NEGR1: variants seen among roughly 807,000 people sequenced by gnomAD.
The protein encoded by NEGR1 is neuronal growth regulator 1.
NEGR1 carries 10 observed loss-of-function variants against 40.9 expected under a neutral mutation model. The observed-to-expected ratio is 0.24, with a 90% CI of 0.15 to 0.42. The LOEUF (loss-of-function observed/expected upper bound fraction) is 0.42. Ranked by LOEUF, NEGR1 falls within the 10% of genes least tolerant of loss-of-function variation. The pLI is 1.00. For synonymous variants in NEGR1, 185 were observed against 166.8 expected (o/e 1.11, Z -0.84); for missense variants, 352 against 438.9 (o/e 0.80, Z 1.77).
intron 6 of NEGR1, among the ~76,000 whole-genome samples, chr1:71,495,867 C>T (rs1192740777): frequency 6.6e-6 from 1 of 152,192 alleles, no homozygotes; most frequent in Non-Finnish European, 1.5e-5. Context: ...GTTCTATCAA[C>T]ATGTTTTAAA....
chr1:71,905,896 T>A (rs2101868016), intron 2 of NEGR1, among the ~76,000 whole-genome samples: 1 of 148,564 alleles, frequency 6.7e-6, no homozygotes, highest in South Asian at 2.1e-4. Flanking sequence ...GCTGAGAAAA[T>A]TCCAGTGCTT....
intron 6 of NEGR1, among the ~76,000 whole-genome samples, chr1:71,448,252 G>A (rs947723345): frequency 6.7e-6 from 1 of 149,472 alleles, no homozygotes; most frequent in East Asian, 1.9e-4. Context: ...AAAAGACACA[G>A]AGAGAGAGAG....
intron 1 of NEGR1, among the ~76,000 whole-genome samples, chr1:72,070,637 A>G (rs1647422227): frequency 6.6e-6 from 1 of 152,040 alleles, no homozygotes. Context: ...ACATGACATT[A>G]AAACCCAGAC....
At chr1:71,472,259 T>C (rs142917516) in intron 6 of NEGR1, among the ~76,000 whole-genome samples, 334 of 152,266 alleles carry the variant, frequency 2.2e-3, no homozygotes, top group African/African-American at 7.8e-3. Flanking sequence ...AATAGAAATA[T>C]GTCTACTACA....
intron 1 of NEGR1, among the ~76,000 whole-genome samples, chr1:72,033,625 A>G (rs778772998): frequency 6.6e-6 from 1 of 152,200 alleles, no homozygotes; most frequent in South Asian, 2.1e-4. Context: ...TTAAGCACTT[A>G]ATTAATTTAA....
chr1:72,153,996 T>C (rs1364594841), intron 1 of NEGR1, among the ~76,000 whole-genome samples: 1 of 151,808 alleles, frequency 6.6e-6, no homozygotes. Context: ...GATTGAAGTA[T>C]ATGTCATCTT....
At chr1:71,987,140 C>T (rs1646402109) in intron 1 of NEGR1, among the ~76,000 whole-genome samples, 1 of 152,044 alleles carries the variant, frequency 6.6e-6, no homozygotes, top group African/African-American at 2.4e-5. Flanking sequence ...CAACAGTATA[C>T]CTTTATTAGC....
At chr1:72,277,072 A>G (rs538450858) in intron 1 of NEGR1, among the ~76,000 whole-genome samples, 47 of 152,274 alleles carry the variant, frequency 3.1e-4, no homozygotes, top group African/African-American at 1.1e-3. Flanking sequence ...CACTGCCCAA[A>G]ACAATGAAAG....
intron 4 of NEGR1, among the ~76,000 whole-genome samples, chr1:71,618,286 T>C (rs933788771): frequency 2.0e-5 from 3 of 152,170 alleles, no homozygotes; most frequent in Non-Finnish European, 4.4e-5. Flanking sequence ...GCCAGGTGTA[T>C]TGACTTTGTC....
chr1:71,940,796 A>G (rs544179048), intron 1 of NEGR1, among the ~76,000 whole-genome samples: 24 of 152,270 alleles, frequency 1.6e-4, no homozygotes, highest in African/African-American at 5.3e-4. Flanking sequence ...GAAAAATAGC[A>G]TATTTAGGGT....
chr1:72,111,572 G>T (rs539183411), intron 1 of NEGR1, among the ~76,000 whole-genome samples: 98 of 151,806 alleles, frequency 6.5e-4, no homozygotes, highest in Non-Finnish European at 1.1e-3. Context: ...ATTTAAAGAT[G>T]ATAAGATACA....
At chr1:71,728,571 C>A (rs1028856165) in intron 3 of NEGR1, among the ~76,000 whole-genome samples, 2 of 152,226 alleles carry the variant, frequency 1.3e-5, no homozygotes, top group African/African-American at 2.4e-5. Flanking sequence ...TTCAAAAAAT[C>A]TTTCACCAAA....
intron 6 of NEGR1, among the ~76,000 whole-genome samples, 161 bp downstream of exon 6, chr1:71,592,656 G>C (rs1260869347): frequency 6.6e-6 from 1 of 152,100 alleles, no homozygotes; most frequent in East Asian, 1.9e-4. Context: ...ATATGATTTG[G>C]GAGCAAAGTT....
chr1:71,690,565 AACACACACACACAC>A (rs3980432), intron 4 of NEGR1, among the ~76,000 whole-genome samples: 89 of 119,272 alleles, frequency 7.5e-4, no homozygotes, highest in African/African-American at 2.3e-3. Context: ...TAAGTTATAT[AACACACACACACAC>A]ACACACACAC....
At chr1:72,184,507 T>G (rs1652538415) in intron 1 of NEGR1, among the ~76,000 whole-genome samples, 2 of 152,022 alleles carry the variant, frequency 1.3e-5, no homozygotes, top group South Asian at 4.2e-4. Flanking sequence ...AAATCACACA[T>G]GAGAGAACAG....
intron 2 of NEGR1, among the ~76,000 whole-genome samples, chr1:71,859,168 C>T (rs1659868935): frequency 6.6e-6 from 1 of 152,062 alleles, no homozygotes; most frequent in Admixed American, 6.6e-5. Context: ...CCTTTTGCCC[C>T]CATTCTTTGA....
intron 1 of NEGR1, among the ~76,000 whole-genome samples, chr1:72,028,935 C>A (rs956609562): frequency 3.3e-5 from 5 of 151,824 alleles, no homozygotes; most frequent in Admixed American, 2.6e-4. Context: ...AGTGAATGAA[C>A]GACACAAAAT....
At chr1:71,860,847 G>A (rs1659924407) in intron 2 of NEGR1, among the ~76,000 whole-genome samples, 1 of 151,990 alleles carries the variant, frequency 6.6e-6, no homozygotes, top group African/African-American at 2.4e-5. Context: ...TTCTGTGGTT[G>A]GGAATAGTGA....
intron 1 of NEGR1, among the ~76,000 whole-genome samples, chr1:71,940,698 A>C (rs796421934): frequency 1.1e-4 from 16 of 152,280 alleles, no homozygotes; most frequent in Admixed American, 3.3e-4. Context: ...TATTTGATCA[A>C]ACTGTTAGGA....
Sources: gnomAD v4.1 joint callset for allele counts (sites outside exome capture counted in the v4.1 genomes callset) on GRCh38, gnomAD v4.1.1 for gene constraint, MANE v1.5 for transcripts, NCBI Gene and HGNC (gene_info 2026-07-23, HGNC 2026-07-21) for gene names.